The following DIO1 variants were observed in gnomAD, a reference collection of about 807,000 sequenced individuals.
The protein encoded by DIO1 is iodothyronine deiodinase 1, also known as type I iodothyronine deiodinase.
In DIO1, 17 loss-of-function variants were observed where a neutral mutation model predicts 25.9. That is an observed-to-expected ratio of 0.66 (90% CI 0.45 to 0.98). The LOEUF (loss-of-function observed/expected upper bound fraction) is 0.98, where lower values mean the gene tolerates loss of function less well. Ranked by LOEUF, DIO1 falls within the 50% of genes least tolerant of loss-of-function variation. The probability of loss-of-function intolerance (pLI) is 0.00; values close to 1 mark genes in which losing one functional copy is unlikely to be tolerated. For synonymous variants in DIO1, 115 were observed against 114.0 expected (o/e 1.01, Z -0.05); for missense variants, 270 against 310.4 (o/e 0.87, Z 0.98).
At position 53,906,263 on chromosome 1, in the gene DIO1, AC is replaced by A. The variant is rs1276413782; in HGVS notation, c.651del (p.Tyr217Ter). The A allele has an allele frequency of 6.2e-7, 1 of 1,613,766 alleles. No homozygotes were observed. The highest frequency in any genetic ancestry group is 1.1e-5 in the South Asian group (1 of 91,030). ...TACGCAGCACTGCCTGAGAGGCTCT[AC>A]ATAATCCAGGAGGGCAGGATCCTCT... ...QLYAALPERLYIIQEGRILYK... is the reference protein window; with the variant it reads ...QLYAALPERLXIIQEGRILYK... On this transcript the variant is annotated frameshift_variant, in exon 3 of 4. Coordinates refer to ENST00000361921, the MANE Select transcript of DIO1 (RefSeq NM_000792.7). LOFTEE classifies it high-confidence loss of function.
chr1:53,905,384 G>A (rs965700414), intron 2 of DIO1, among the ~76,000 whole-genome samples: 2 of 151,806 alleles, frequency 1.3e-5, no homozygotes, highest in East Asian at 1.9e-4. Flanking sequence ...CATGTTACTC[G>A]GGCTGGTCTC....
intron 1 of DIO1, among the ~76,000 whole-genome samples, chr1:53,897,208 G>A (rs1427791966): frequency 2.0e-5 from 3 of 152,232 alleles, no homozygotes; most frequent in Non-Finnish European, 4.4e-5. Flanking sequence ...GAGCCCCGTG[G>A]CTCACGCCTT....
intron 1 of DIO1, 111 bp from the exon 2 acceptor site, chr1:53,904,546 TCCTGGGGTG>T: frequency 7.8e-7 from 1 of 1,281,826 alleles, no homozygotes; most frequent in Non-Finnish European, 1.1e-6. Flanking sequence ...CTAGGACCCA[TCCTGGGGTG>T]GGGGGTAGGG....
In DIO1 at chr1:53,910,109, A is replaced by G. The variant is rs1651872643; in HGVS notation, c.*110A>G. 2.2e-6 allele frequency: 2 copies of G among 906,174 alleles called. No homozygotes were observed. Among genetic ancestry groups the G allele is most frequent in the South Asian group, 2.7e-5 (2 of 73,836 alleles). The allele number at this position is 906,174 out of a possible 1,614,324, so 56.1% of individuals were successfully genotyped here. A position where few individuals can be genotyped will look rare whatever the true frequency, so the allele number is the denominator to read the frequency against. Reference sequence around the variant, plus strand: ...CTTGACCTGTGTCCCTAGCTGAATCACTAGCTCAGATTTTTCTGATCTAAG... The same window carrying G: ...CTTGACCTGTGTCCCTAGCTGAATCGCTAGCTCAGATTTTTCTGATCTAAG... On this transcript the variant is annotated 3_prime_UTR_variant, in exon 4 of 4. Coordinates refer to ENST00000361921, the MANE Select transcript of DIO1 (RefSeq NM_000792.7).
intron 3 of DIO1, among the ~76,000 whole-genome samples, chr1:53,906,895 C>G (rs1651684832): frequency 6.6e-6 from 1 of 152,242 alleles, no homozygotes; most frequent in South Asian, 2.1e-4. Context: ...CTCAAGTGAT[C>G]TGCCCGCCTT....
chr1:53,907,476 T>C (rs938478007), intron 3 of DIO1, among the ~76,000 whole-genome samples: 2 of 152,102 alleles, frequency 1.3e-5, no homozygotes, highest in African/African-American at 4.8e-5. Flanking sequence ...GGTGCAAGGG[T>C]CACAGTAGAA....
Position 53,894,438 on chromosome 1 carries a change from G to A in DIO1, c.228G>A (p.Lys76=), listed in dbSNP as rs1650967845. Reference sequence around the variant, plus strand: ...CCCAGTATTTCTGGTTCGTCTTGAAGGTCCGTTGGCAGCGACTAGAGGACA... The same window carrying A: ...CCCAGTATTTCTGGTTCGTCTTGAAAGTCCGTTGGCAGCGACTAGAGGACA... The part of the protein sequence containing the change: ...FSTQYFWFVL[K]VRWQRLEDTT... Residue 76 remains lysine, a synonymous_variant, in exon 1 of 4, where the codon AAG becomes AAA. Transcript: ENST00000361921. The surrounding 1 kb of genome is among the most constrained non-coding windows in gnomAD (Gnocchi z 4.9). 2.5e-6 allele frequency: 4 copies of A among 1,614,114 alleles called. No homozygotes were observed. Among genetic ancestry groups the A allele is most frequent in the African/African-American group, 2.7e-5 (2 of 74,936 alleles).
intron 1 of DIO1, among the ~76,000 whole-genome samples, chr1:53,899,853 A>G (rs766397095): frequency 6.6e-6 from 1 of 151,934 alleles, no homozygotes; most frequent in Non-Finnish European, 1.5e-5. Flanking sequence ...TTTTTTTAAG[A>G]GACAGGGTCC....
Position 53,894,342 on chromosome 1 carries a change from G to A in DIO1, c.132G>A (p.Met44Ile). The A allele has an allele frequency of 1.2e-6, 2 of 1,614,206 alleles. No individual in the cohort carries two copies. The highest frequency in any genetic ancestry group is 2.2e-5 in the South Asian group (2 of 91,084). ...PDRVKRNILA[M>I]GEKTGMTRNP... Reference sequence around the variant, plus strand: ...GAGTCAAGCGGAACATCCTGGCCATGGGCGAGAAGACGGGTATGACCAGGA... The same window carrying A: ...GAGTCAAGCGGAACATCCTGGCCATAGGCGAGAAGACGGGTATGACCAGGA... Residue 44 changes from methionine (M) to isoleucine (I), a missense_variant, in exon 1 of 4, where the codon ATG becomes ATA. Met to Ile is a conservative substitution (Grantham distance 10). Transcript: ENST00000361921. This position sits in a 1 kb window ranked among gnomAD's most constrained non-coding sequence, Gnocchi z 4.9.
chr1:53,894,306 G>C lies in DIO1; in HGVS notation c.96G>C (p.Leu32Phe), dbSNP rs1419231739. The change falls in exon 1 of 4, where the codon TTG becomes TTC. Residue 32 changes from leucine (L) to phenylalanine (F), a missense_variant. Physicochemically the swap from Leu to Phe is conservative, Grantham distance 22. Transcript: ENST00000361921. The surrounding 1 kb of genome is among the most constrained non-coding windows in gnomAD (Gnocchi z 4.9). Reference protein sequence around the residue: ...HVVVGKVLLILFPDRVKRNIL... With the variant: ...HVVVGKVLLIFFPDRVKRNIL... The stretch of plus-strand genomic sequence containing the variant: ...TCGTGGGTAAAGTGCTTCTGATATT[G>C]TTTCCAGACAGAGTCAAGCGGAACA... The C allele has an allele frequency of 1.2e-6, 2 of 1,614,136 alleles. No homozygotes were observed. The highest frequency in any genetic ancestry group is 1.7e-6 in the Non-Finnish European group (2 of 1,180,050).
At chr1:53,896,286 C>T (rs537687131) in intron 1 of DIO1, among the ~76,000 whole-genome samples, 9 of 141,394 alleles carry the variant, frequency 6.4e-5, no homozygotes, top group African/African-American at 1.3e-4. Flanking sequence ...GGTATGATCA[C>T]GACTCACTGC....
At chr1:53,898,324 G>A (rs1381644901) in intron 1 of DIO1, among the ~76,000 whole-genome samples, 13 of 152,194 alleles carry the variant, frequency 8.5e-5, no homozygotes, top group Admixed American at 8.5e-4. Flanking sequence ...GAGGCTGAAG[G>A]CATCATCAGG....
intron 2 of DIO1, among the ~76,000 whole-genome samples, chr1:53,905,614 C>T (rs917488747): frequency 6.6e-6 from 1 of 152,348 alleles, no homozygotes; most frequent in Middle Eastern, 3.4e-3. Context: ...TCCACGCTGA[C>T]GCCTAGGGTT....
rs560054632 is a variant in DIO1 at position 53,907,333 on chromosome 1, CTA to C, written c.681+1041_681+1042del. Among the ~76,000 whole-genome samples, 88 of 152,272 alleles carry C rather than the reference CTA, an allele frequency of 5.8e-4. No individual in the cohort carries two copies. In the South Asian group the frequency reaches 9.1e-3, roughly 16 times the overall value. Reference sequence around the variant, plus strand: ...AGAAGGTAGAAACTACATTTTAAAGCTATTGAAGGGATTTCAAGCCTTGGAGA... The same window carrying C: ...AGAAGGTAGAAACTACATTTTAAAGCTTGAAGGGATTTCAAGCCTTGGAGA... On this transcript the variant is annotated intron_variant, in intron 3 of 3. Coordinates refer to ENST00000361921, the MANE Select transcript of DIO1 (RefSeq NM_000792.7).
chr1:53,902,414 G>A lies in DIO1; in HGVS notation c.338-2252G>A, dbSNP rs377114156. On this transcript the variant is annotated intron_variant, in intron 1 of 3. Coordinates refer to ENST00000361921, the MANE Select transcript of DIO1 (RefSeq NM_000792.7). The stretch of plus-strand genomic sequence containing the variant: ...AGAGCTGCTGGTCTCATTCTCTGCC[G>A]AATCCCCAGTGTGTGGCAGGGAGAC... Among the ~76,000 whole-genome samples, 83 of 151,898 alleles carry A rather than the reference G, an allele frequency of 5.5e-4. 4 individuals carry two copies. Among genetic ancestry groups the A allele is most frequent in the African/African-American group, 1.9e-3 (77 of 41,218 alleles).
intron 1 of DIO1, among the ~76,000 whole-genome samples, chr1:53,896,899 CT>C (rs1459537782): frequency 1.3e-5 from 2 of 152,202 alleles, no homozygotes; most frequent in Non-Finnish European, 2.9e-5. Context: ...GCAGGAGCTT[CT>C]TTTGTTTTGC....
intron 1 of DIO1, 86 bp from the exon 2 acceptor site, chr1:53,904,580 C>G: frequency 6.6e-7 from 1 of 1,510,368 alleles, no homozygotes; most frequent in Non-Finnish European, 9.0e-7. Context: ...ATAAAAATAA[C>G]AGAATTGAAC....
intron 1 of DIO1, among the ~76,000 whole-genome samples, chr1:53,902,763 G>C (rs1187941773): frequency 6.6e-6 from 1 of 151,806 alleles, no homozygotes; most frequent in Non-Finnish European, 1.5e-5. Flanking sequence ...CATGGGACCA[G>C]TGAATCACAC....
intron 1 of DIO1, among the ~76,000 whole-genome samples, chr1:53,899,061 G>T (rs528802681): frequency 7.2e-5 from 11 of 152,252 alleles, no homozygotes; most frequent in African/African-American, 2.6e-4. Context: ...GCCACCTCCA[G>T]CCCTCTGTGC....
Sources: allele counts gnomAD v4.1 joint callset (sites outside exome capture counted in the v4.1 genomes callset), GRCh38; gene constraint gnomAD v4.1.1; non-coding constraint Gnocchi (gnomAD v3.1); transcripts MANE v1.5; gene names NCBI Gene and HGNC (gene_info 2026-07-23, HGNC 2026-07-21).